The following MAGI2 variants were observed in gnomAD, a reference collection of about 807,000 sequenced individuals.
MAGI2 encodes the protein membrane associated guanylate kinase, WW and PDZ domain containing 2, also known as membrane-associated guanylate kinase, WW and PDZ domain-containing protein 2.
In MAGI2, 35 loss-of-function variants were observed where a neutral mutation model predicts 133.3. That is an observed-to-expected ratio of 0.26 (90% CI 0.20 to 0.35). The LOEUF (loss-of-function observed/expected upper bound fraction) is 0.35, where lower values mean the gene tolerates loss of function less well. MAGI2 is among the 10% of genes least tolerant of loss of function. The pLI, the probability that MAGI2 is intolerant of heterozygous loss-of-function variation, is 1.00. For missense variants in MAGI2, 1,636 were observed against 1,863.4 expected (o/e 0.88, Z 2.25); for synonymous variants, 729 against 710.6 (o/e 1.03, Z -0.41).
At chr7:78,235,277 G>A (rs1180070382) in intron 10 of MAGI2, among the ~76,000 whole-genome samples, 1 of 152,042 alleles carries the variant, frequency 6.6e-6, no homozygotes. Flanking sequence ...TTTTATCTAA[G>A]GTTAGTAAAT....
intron 1 of MAGI2, among the ~76,000 whole-genome samples, chr7:79,368,809 CTGCA>C (rs1233511074): frequency 7.3e-6 from 1 of 137,674 alleles, no homozygotes; most frequent in Admixed American, 7.9e-5. Context: ...GATTGTGCCA[CTGCA>C]CTCCAGCCTG....
At chr7:78,523,355 C>T (rs62468577) in intron 3 of MAGI2, among the ~76,000 whole-genome samples, 20,633 of 151,750 alleles carry the variant, frequency 0.14, 1,480 homozygotes, top group African/African-American at 0.16. Flanking sequence ...GCCCGACGCC[C>T]GTAGTCCCAT....
intron 1 of MAGI2, among the ~76,000 whole-genome samples, chr7:79,075,973 C>G (rs1406092946): frequency 1.3e-5 from 2 of 152,080 alleles, no homozygotes; most frequent in Non-Finnish European, 1.5e-5. Flanking sequence ...GTATCCAGAG[C>G]CACTTACATC....
intron 20 of MAGI2, among the ~76,000 whole-genome samples, chr7:78,084,408 C>T (rs140681210): frequency 7.5e-4 from 114 of 152,328 alleles, no homozygotes; most frequent in Middle Eastern, 3.4e-3. Flanking sequence ...AGTAGGCCCT[C>T]GGTTAATCAC....
At chr7:78,608,487 AC>A (rs1159014619) in intron 3 of MAGI2, among the ~76,000 whole-genome samples, 3 of 151,160 alleles carry the variant, frequency 2.0e-5, no homozygotes, top group African/African-American at 7.3e-5. Context: ...ATATATATAT[AC>A]GTATATATAG....
intron 2 of MAGI2, among the ~76,000 whole-genome samples, chr7:78,930,640 C>T (rs1315130029): frequency 6.6e-6 from 1 of 152,028 alleles, no homozygotes; most frequent in East Asian, 1.9e-4. Context: ...TAAGAGAATC[C>T]ATTCATTACT....
chr7:79,222,427 G>A (rs1830509676), intron 1 of MAGI2, among the ~76,000 whole-genome samples: 1 of 151,990 alleles, frequency 6.6e-6, no homozygotes, highest in African/African-American at 2.4e-5. Flanking sequence ...TAGTTGGATG[G>A]ACCTAGGACC....
Position 78,679,458 on chromosome 7 carries a change from CTT to C in MAGI2, c.419-52221_419-52220del, listed in dbSNP as rs536084341. ...GGTAAATGAATCAGTGATTCAAACA[CTT>C]TTAAAAAGTTATCAAAATGTTAAGT... On this transcript the variant is annotated intron_variant, in intron 2 of 21. Coordinates refer to ENST00000354212, the MANE Select transcript of MAGI2 (RefSeq NM_012301.4). Among the ~76,000 whole-genome samples, 17 of 152,244 alleles carry C rather than the reference CTT, an allele frequency of 1.1e-4. No homozygotes were observed. In the East Asian group the frequency reaches 3.3e-3, roughly 29 times the overall value.
intron 2 of MAGI2, among the ~76,000 whole-genome samples, chr7:78,994,514 T>C (rs976213002): frequency 6.6e-6 from 1 of 152,114 alleles, no homozygotes; most frequent in Non-Finnish European, 1.5e-5. Context: ...TAAATATAGA[T>C]ACACGTTCAT....
chr7:78,323,784 C>A (rs191811749), intron 9 of MAGI2, among the ~76,000 whole-genome samples: 2 of 152,260 alleles, frequency 1.3e-5, no homozygotes, highest in East Asian at 1.9e-4. Context: ...TTCTGAGGAG[C>A]TTTGAAACAC....
intron 3 of MAGI2, among the ~76,000 whole-genome samples, chr7:78,534,537 T>G (rs551211399): frequency 6.6e-6 from 1 of 152,220 alleles, no homozygotes; most frequent in Non-Finnish European, 1.5e-5. Context: ...TAGCAACATT[T>G]CTGCTGATTA....
chr7:78,953,054 C>A (rs1802002558), intron 2 of MAGI2, among the ~76,000 whole-genome samples: 1 of 152,122 alleles, frequency 6.6e-6, no homozygotes. Context: ...CTCACTTCTG[C>A]CCTTGTAATT....
At chr7:78,619,966 A>T (rs944747748) in intron 3 of MAGI2, among the ~76,000 whole-genome samples, 1 of 151,920 alleles carries the variant, frequency 6.6e-6, no homozygotes, top group African/African-American at 2.4e-5. Context: ...AAAAGACAAA[A>T]ATGCTATAAC....
intron 2 of MAGI2, among the ~76,000 whole-genome samples, chr7:78,736,944 CTGTGCAATTGTTTGAG>C (rs1367269970): frequency 6.6e-6 from 1 of 152,162 alleles, no homozygotes; most frequent in Non-Finnish European, 1.5e-5. Context: ...GTGAAAGCAC[CTGTGCAATTGTTTGAG>C]TTGCAAGCTG....
At chr7:79,205,856 C>G (rs2129552266) in intron 1 of MAGI2, among the ~76,000 whole-genome samples, 1 of 151,048 alleles carries the variant, frequency 6.6e-6, no homozygotes, top group Non-Finnish European at 1.5e-5. Context: ...ATAATAACCA[C>G]AACACCAAAA....
intron 2 of MAGI2, among the ~76,000 whole-genome samples, chr7:78,798,170 G>C (rs1342473540): frequency 6.6e-6 from 1 of 152,122 alleles, no homozygotes; most frequent in Non-Finnish European, 1.5e-5. Flanking sequence ...TACGCAGGCT[G>C]CATTCTGGAT....
At chr7:79,247,703 A>G (rs1832923413) in intron 1 of MAGI2, among the ~76,000 whole-genome samples, 1 of 152,154 alleles carries the variant, frequency 6.6e-6, no homozygotes, top group South Asian at 2.1e-4. Context: ...AAAAAGTTCA[A>G]AAATGGGGGT....
chr7:78,418,436 G>A (rs59043432), intron 6 of MAGI2, among the ~76,000 whole-genome samples: 2,878 of 152,192 alleles, frequency 0.019, 80 homozygotes, highest in African/African-American at 0.065. Context: ...AAGGAGAACA[G>A]TGGTAAGGGA....
At chr7:78,908,418 G>T (rs749124269) in intron 2 of MAGI2, among the ~76,000 whole-genome samples, 1 of 152,262 alleles carries the variant, frequency 6.6e-6, no homozygotes, top group African/African-American at 2.4e-5. Flanking sequence ...CTGGGGAGTT[G>T]GCCAGACAGA....
Sources: gnomAD v4.1 joint callset for allele counts (sites outside exome capture counted in the v4.1 genomes callset) on GRCh38, gnomAD v4.1.1 for gene constraint, MANE v1.5 for transcripts, NCBI Gene and HGNC (gene_info 2026-07-23, HGNC 2026-07-21) for gene names.